The following DZIP3 variants were observed in gnomAD, a reference collection of about 807,000 sequenced individuals.
DZIP3 encodes E3 ubiquitin-protein ligase DZIP3.
DZIP3 carries 118 observed loss-of-function variants against 162.0 expected under a neutral mutation model. The ratio of observed to expected loss-of-function variants is 0.73; its 90% confidence interval spans 0.63 to 0.85. The LOEUF is 0.85. Ranked by LOEUF, DZIP3 falls within the 40% of genes least tolerant of loss-of-function variation. The pLI, the probability that DZIP3 is intolerant of heterozygous loss-of-function variation, is 0.00. For missense variants in DZIP3, 1,331 were observed against 1,407.0 expected (o/e 0.95, Z 0.86); for synonymous variants, 438 against 458.6 (o/e 0.96, Z 0.57).
intron 4 of DZIP3, among the ~76,000 whole-genome samples, chr3:108,612,758 TA>T (rs990851560): frequency 2.0e-4 from 31 of 152,282 alleles, no homozygotes; most frequent in African/African-American, 7.0e-4. Flanking sequence ...TTCAATTTTT[TA>T]AAATTATTGT....
At chr3:108,637,593 A>ATATAT (rs1415883536) in intron 12 of DZIP3, 45 bp downstream of exon 12, 5 of 1,543,468 alleles carry the variant, frequency 3.2e-6, no homozygotes, top group Non-Finnish European at 4.4e-6. Context: ...TGGAATATGC[A>ATATAT]TATATTTTTT....
At chr3:108,683,809 A>G (rs1944405350) in intron 26 of DZIP3, among the ~76,000 whole-genome samples, 1 of 152,158 alleles carries the variant, frequency 6.6e-6, no homozygotes, top group Admixed American at 6.6e-5. Flanking sequence ...GAGTATCAAT[A>G]TTGCCCACCA....
intron 26 of DZIP3, among the ~76,000 whole-genome samples, chr3:108,681,527 C>T (rs1266564213): frequency 6.6e-6 from 1 of 152,016 alleles, no homozygotes; most frequent in East Asian, 1.9e-4. Flanking sequence ...TGTGACGATT[C>T]CTCAAGGGTC....
chr3:108,657,711 C>T (rs1943201085), intron 19 of DZIP3, among the ~76,000 whole-genome samples: 1 of 152,126 alleles, frequency 6.6e-6, no homozygotes, highest in Non-Finnish European at 1.5e-5. Context: ...GATAAAGAGT[C>T]AAGATCCATC....
At position 108,675,880 on chromosome 3, in the gene DZIP3, C is replaced by T; in HGVS notation, c.2781+7C>T. 1 of 1,605,422 alleles carries T rather than the reference C, an allele frequency of 6.2e-7. No individual in the cohort carries two copies. Among genetic ancestry groups the T allele is most frequent in the South Asian group, 1.1e-5 (1 of 89,712 alleles). On this transcript the variant is annotated splice_region_variant and intron_variant, in intron 25 of 32. Transcript: ENST00000361582. ...CAAGATTGCATTCCTCAGGGTAAGT[C>T]CTGAAGTATATTTGGAGAAAATTGG...
chr3:108,633,949 C>A (rs12107621), intron 9 of DZIP3, among the ~76,000 whole-genome samples: 10 of 147,910 alleles, frequency 6.8e-5, no homozygotes, highest in Admixed American at 1.3e-4. Flanking sequence ...TGATAGATCT[C>A]TCTCTCTGGA....
chr3:108,648,497 AAATTCGTCCAGAATGG>A (rs1942727366), intron 16 of DZIP3: 1 of 164,538 alleles, frequency 6.1e-6, no homozygotes, highest in Non-Finnish European at 1.3e-5. Context: ...AGGTAGAATG[AAATTCGTCCAGAATGG>A]AATCTCCGTA....
intron 11 of DZIP3, among the ~76,000 whole-genome samples, chr3:108,637,169 G>T (rs547277990): frequency 1.3e-5 from 2 of 152,000 alleles, no homozygotes; most frequent in East Asian, 3.9e-4. Context: ...ATATCTTGTT[G>T]AATTTTTGGT....
intron 26 of DZIP3, among the ~76,000 whole-genome samples, chr3:108,682,212 C>T (rs974409582): frequency 1.3e-5 from 2 of 150,980 alleles, no homozygotes; most frequent in South Asian, 2.1e-4. Context: ...AATACAGTAT[C>T]GAGGTTCCTC....
intron 22 of DZIP3, among the ~76,000 whole-genome samples, chr3:108,671,247 T>A (rs1333585992): frequency 2.0e-5 from 3 of 151,952 alleles, no homozygotes; most frequent in Non-Finnish European, 4.4e-5. Flanking sequence ...CAAAAAAGTC[T>A]AGCCTTAATG....
intron 27 of DZIP3, among the ~76,000 whole-genome samples, chr3:108,685,537 ACT>A (rs1275762390): frequency 6.6e-6 from 1 of 152,010 alleles, no homozygotes; most frequent in East Asian, 1.9e-4. Flanking sequence ...CTCCAAAAAT[ACT>A]CTGTTATTAT....
In DZIP3 at chr3:108,596,290, A is replaced by G. The variant is rs75409433; in HGVS notation, c.-73+6451A>G. ...GAGAGGGGCAGATACCTGGATTTCT[A>G]TTTAGGTTATGTTGTGATGTTAGAC... is the stretch of plus-strand genomic sequence containing the variant. On this transcript the variant is annotated intron_variant, in intron 1 of 32. Transcript: ENST00000361582. Among the ~76,000 whole-genome samples, 723 of 152,214 alleles carry G rather than the reference A, an allele frequency of 4.7e-3. 2 individuals are homozygous for G. Among genetic ancestry groups the G allele is most frequent in the African/African-American group, 0.016 (684 of 41,530 alleles).
chr3:108,667,964 C>T (rs6437789), intron 21 of DZIP3, among the ~76,000 whole-genome samples: 50,170 of 151,816 alleles, frequency 0.33, 8,614 homozygotes, highest in Middle Eastern at 0.38. Flanking sequence ...CTCATATAAG[C>T]TTTTGAACGT....
In DZIP3 at chr3:108,688,538, C is replaced by T. The variant is rs1295453604; in HGVS notation, c.3271-55C>T. The T allele has an allele frequency of 2.6e-6, 4 of 1,562,352 alleles. No homozygotes were observed. The African/African-American group carries it at 5.4e-5, about 21-fold the overall frequency. On this transcript the variant is annotated intron_variant, in intron 29 of 32. Transcript: ENST00000361582. Reference sequence around the variant, plus strand: ...ACCCCGTTCTGTACTAATGTTTCAGCTCTTACTGTTTTAGGATAATTCTGA... The same window carrying T: ...ACCCCGTTCTGTACTAATGTTTCAGTTCTTACTGTTTTAGGATAATTCTGA...
chr3:108,605,459 C>T (rs775384330), intron 2 of DZIP3, 21 bp downstream of exon 2: 1 of 1,611,796 alleles, frequency 6.2e-7, no homozygotes, highest in South Asian at 1.1e-5. Flanking sequence ...AGTCCCCAAC[C>T]TTTTTGGCAC....
chr3:108,648,732 G>A, intron 16 of DZIP3, 186 bp from the exon 17 acceptor site: 1 of 286,364 alleles, frequency 3.5e-6, no homozygotes, highest in Non-Finnish European at 6.7e-6. Context: ...GATTATTTAA[G>A]GACAGAAGAC....
At chr3:108,652,088 A>G (rs1942893420) in intron 18 of DZIP3, among the ~76,000 whole-genome samples, 1 of 151,832 alleles carries the variant, frequency 6.6e-6, no homozygotes, top group Admixed American at 6.6e-5. Context: ...TGCCATAAAT[A>G]TAGCGTAATA....
At chr3:108,627,027 A>G (rs1165873550) in intron 7 of DZIP3, among the ~76,000 whole-genome samples, 1 of 152,174 alleles carries the variant, frequency 6.6e-6, no homozygotes, top group Non-Finnish European at 1.5e-5. Flanking sequence ...TTTTTTTACT[A>G]GGGTATCCAC....
intron 10 of DZIP3, among the ~76,000 whole-genome samples, chr3:108,636,064 A>G (rs980904312): frequency 2.6e-5 from 4 of 152,116 alleles, no homozygotes; most frequent in South Asian, 2.1e-4. Flanking sequence ...GATAAAACAG[A>G]GGAACTCACA....
Sources: gnomAD v4.1 joint callset for allele counts (sites outside exome capture counted in the v4.1 genomes callset) on GRCh38, gnomAD v4.1.1 for gene constraint, MANE v1.5 for transcripts, NCBI Gene and HGNC (gene_info 2026-07-23, HGNC 2026-07-21) for gene names.